The following INTS9 variants were observed in gnomAD, a reference collection of about 807,000 sequenced individuals.
INTS9 encodes the protein protein related to CPSF subunits of 74 kDa.
INTS9 carries 55 observed loss-of-function variants against 79.7 expected under a neutral mutation model. The observed-to-expected ratio is 0.69, with a 90% CI of 0.56 to 0.86. INTS9 has a LOEUF of 0.86. Ranked by LOEUF, INTS9 falls within the 40% of genes least tolerant of loss-of-function variation. INTS9 has a pLI of 0.00. For missense variants in INTS9, 721 were observed against 831.5 expected (o/e 0.87, Z 1.64); for synonymous variants, 319 against 325.2 (o/e 0.98, Z 0.20).
intron 6 of INTS9, among the ~76,000 whole-genome samples, chr8:28,828,942 C>T (rs763761968): frequency 1.3e-5 from 2 of 152,194 alleles, no homozygotes; most frequent in Non-Finnish European, 2.9e-5. Context: ...CTTGGCCCCC[C>T]AAAGTGCTGA....
At chr8:28,805,005 A>G (rs1466545698) in intron 8 of INTS9, among the ~76,000 whole-genome samples, 2 of 152,224 alleles carry the variant, frequency 1.3e-5, no homozygotes, top group East Asian at 1.9e-4. Context: ...AAGTGTCAGT[A>G]TCTATAATAC....
rs538479508 is a variant in INTS9, at chr8:28,800,774, A to G, written c.745-4119T>C. 2.2e-3 allele frequency among the ~76,000 whole-genome samples: 335 copies of G among 152,338 alleles called. 3 individuals carry two copies. The highest frequency in any genetic ancestry group is 3.6e-3 in the Non-Finnish European group (243 of 68,026). ...TATAGCCTAGTTAACTCTGTTCCCC[A>G]AAGTAGGGGTTTAGGAAATATCACT... On this transcript the variant is annotated intron_variant, in intron 8 of 16. Transcript: ENST00000521022.
At position 28,768,223 on chromosome 8, in the gene INTS9, G is replaced by A. The variant is rs1224345911; in HGVS notation, c.1900C>T (p.His634Tyr). The A allele has an allele frequency of 1.2e-6, 2 of 1,614,018 alleles. No individual in the cohort carries two copies. Among genetic ancestry groups the A allele is most frequent in the South Asian group, 2.2e-5 (2 of 91,094 alleles). ...TLIQIEEDSTHIICDNDEMLR... is the reference protein window; with the variant it reads ...TLIQIEEDSTYIICDNDEMLR... ...ATCTCGTCATTGTCGCAGATGATAT[G>A]GGTCGAGTCTTCTTCAATCTGGATG... Residue 634 changes from histidine to tyrosine, a missense_variant, in exon 17 of 17, where the codon CAT becomes TAT. This residue lies in a region of INTS9 where 281 missense variants were observed against 300.8 expected (regional missense o/e 0.93). Coordinates refer to ENST00000521022, the MANE Select transcript of INTS9 (RefSeq NM_018250.4).
intron 11 of INTS9, among the ~76,000 whole-genome samples, chr8:28,781,557 C>A (rs1192584313): frequency 1.3e-5 from 2 of 152,188 alleles, no homozygotes; most frequent in East Asian, 3.8e-4. Context: ...TGTCCTTCAG[C>A]AGGTGAAGGA....
Position 28,819,986 on chromosome 8 carries a change from T to C in INTS9, c.489-6374A>G, listed in dbSNP as rs555668932. Among the ~76,000 whole-genome samples, 25 of 152,346 alleles carry C rather than the reference T, an allele frequency of 1.6e-4. No homozygotes were observed. In the South Asian group the frequency reaches 5.2e-3, roughly 32 times the overall value. ...ACAAGGATTGCAACCCCTGCCTTTT[T>C]TTGTTTTCCATTTGCTTGGTAGATC... On this transcript the variant is annotated intron_variant, in intron 6 of 16. Coordinates refer to ENST00000521022, the MANE Select transcript of INTS9 (RefSeq NM_018250.4).
At chr8:28,880,503 C>T (rs1156814966) in intron 1 of INTS9, among the ~76,000 whole-genome samples, 10 of 151,916 alleles carry the variant, frequency 6.6e-5, no homozygotes, top group Non-Finnish European at 1.2e-4. Context: ...GCGAGTGATC[C>T]GCCAGCCTCG....
At chr8:28,796,440 C>T (rs565740461) in intron 9 of INTS9, 104 bp downstream of exon 9, 1 of 660,016 alleles carries the variant, frequency 1.5e-6, no homozygotes, top group African/African-American at 1.8e-5. Flanking sequence ...ACAACTGCTA[C>T]CCTGTAAGCA....
chr8:28,856,784 AT>A (rs1250590847), intron 2 of INTS9, among the ~76,000 whole-genome samples: 3 of 152,166 alleles, frequency 2.0e-5, no homozygotes, highest in Non-Finnish European at 2.9e-5. Context: ...ATATTTCATT[AT>A]GCTGAGGTTT....
intron 3 of INTS9, among the ~76,000 whole-genome samples, chr8:28,847,998 G>T (rs933456830): frequency 3.9e-5 from 6 of 152,200 alleles, no homozygotes; most frequent in African/African-American, 1.4e-4. Context: ...CCGGCAGCTG[G>T]AATTATGACA....
chr8:28,813,371 G>C (rs1313017105), intron 7 of INTS9, 121 bp downstream of exon 7: 8 of 960,810 alleles, frequency 8.3e-6, no homozygotes, highest in African/African-American at 6.5e-5. Flanking sequence ...AAGAACAGAG[G>C]CTCTGGATCC....
chr8:28,781,634 C>T (rs1803273154), intron 11 of INTS9, among the ~76,000 whole-genome samples: 1 of 152,068 alleles, frequency 6.6e-6, no homozygotes, highest in African/African-American at 2.4e-5. Context: ...TGCCAAGCTA[C>T]GAAAAGACAT....
chr8:28,850,160 G>A (rs1366111978), intron 3 of INTS9, 53 bp downstream of exon 3: 1 of 1,459,240 alleles, frequency 6.9e-7, no homozygotes, highest in East Asian at 2.3e-5. Flanking sequence ...GGTATGAGAA[G>A]ATAGCTTTCC....
At chr8:28,823,685 G>C (rs1805982878) in intron 6 of INTS9, among the ~76,000 whole-genome samples, 1 of 152,164 alleles carries the variant, frequency 6.6e-6, no homozygotes, top group Non-Finnish European at 1.5e-5. Flanking sequence ...ATATTGAGGA[G>C]AGACAAGTAG....
chr8:28,839,576 C>T (rs1015742769), intron 4 of INTS9, among the ~76,000 whole-genome samples: 5 of 152,156 alleles, frequency 3.3e-5, no homozygotes, highest in Non-Finnish European at 7.3e-5. Flanking sequence ...CAGCATGGTA[C>T]TGGTACCAAA....
At chr8:28,790,268 G>C (rs537047080) in intron 10 of INTS9, among the ~76,000 whole-genome samples, 1 of 152,306 alleles carries the variant, frequency 6.6e-6, no homozygotes, top group African/African-American at 2.4e-5. Context: ...GTCCTGGCAT[G>C]GGGGGCTGGG....
At chr8:28,816,127 ACTTT>A (rs1391660710) in intron 6 of INTS9, among the ~76,000 whole-genome samples, 8 of 151,732 alleles carry the variant, frequency 5.3e-5, no homozygotes, top group East Asian at 1.9e-4. Flanking sequence ...AGCAAAACTG[ACTTT>A]CTTTTTTTTT....
chr8:28,781,089 T>A, intron 11 of INTS9, 95 bp from the exon 12 acceptor site: 1 of 943,942 alleles, frequency 1.1e-6, no homozygotes, highest in Non-Finnish European at 1.6e-6. Context: ...GGATCTAAAA[T>A]ACCAACAAAG....
At position 28,812,223 on chromosome 8, in the gene INTS9, C is replaced by T. The variant is rs75286313; in HGVS notation, c.744+104G>A. Reference sequence around the variant, plus strand: ...TTGGCTAGAGAGTATCTGTAGAAAACCATATTTGGAAGATTTAAAAATGGC... The same window carrying T: ...TTGGCTAGAGAGTATCTGTAGAAAATCATATTTGGAAGATTTAAAAATGGC... On this transcript the variant is annotated intron_variant, in intron 8 of 16. Coordinates refer to ENST00000521022, the MANE Select transcript of INTS9 (RefSeq NM_018250.4). The T allele has an allele frequency of 3.7e-4, 439 of 1,178,364 alleles. 4 individuals carry two copies. The African/African-American group carries it at 4.9e-3, about 13-fold the overall frequency. The allele number at this position is 1,178,364 out of a possible 1,614,324, so 73.0% of individuals were successfully genotyped here. A position where few individuals can be genotyped will look rare whatever the true frequency, so the allele number is the denominator to read the frequency against.
chr8:28,781,042 G>C, intron 11 of INTS9, 48 bp from the exon 12 acceptor site: 1 of 1,513,474 alleles, frequency 6.6e-7, no homozygotes, highest in Non-Finnish European at 9.1e-7. Context: ...TGCCCAGGCT[G>C]AAGGGGGAAC....
Sources: allele counts gnomAD v4.1 joint callset (sites outside exome capture counted in the v4.1 genomes callset), GRCh38; gene constraint gnomAD v4.1.1; regional missense constraint gnomAD v4.1.1; transcripts MANE v1.5; gene names NCBI Gene and HGNC (gene_info 2026-07-23, HGNC 2026-07-21).